Variants in XYLT1 observed in about 807,000 individuals in gnomAD.
XYLT1 encodes the protein xylosyltransferase 1.
A neutral mutation model predicts 91.3 loss-of-function variants in XYLT1; 36 were observed. The ratio of observed to expected loss-of-function variants is 0.39; its 90% confidence interval spans 0.30 to 0.52. The LOEUF is 0.52. Ranked by LOEUF, XYLT1 falls within the 20% of genes least tolerant of loss-of-function variation. XYLT1 has a pLI of 0.68. For missense variants in XYLT1, 1,242 were observed against 1,284.5 expected (o/e 0.97, Z 0.51); for synonymous variants, 588 against 532.0 (o/e 1.11, Z -1.45).
At chr16:17,397,936 C>A (rs1299722369) in intron 1 of XYLT1, among the ~76,000 whole-genome samples, 1 of 151,444 alleles carries the variant, frequency 6.6e-6, no homozygotes, top group South Asian at 2.1e-4. Context: ...GATTCTCCTG[C>A]CTCAGCCTCC....
intron 2 of XYLT1, among the ~76,000 whole-genome samples, chr16:17,269,843 C>G (rs1447423979): frequency 8.0e-6 from 1 of 124,560 alleles, no homozygotes; most frequent in Non-Finnish European, 1.7e-5. Context: ...ATGGAGTCTC[C>G]CTCTGTTGCC....
intron 1 of XYLT1, among the ~76,000 whole-genome samples, chr16:17,375,503 C>CACACACACACAG (rs1186558257): frequency 2.6e-5 from 4 of 151,954 alleles, no homozygotes; most frequent in African/African-American, 9.7e-5. Context: ...CACACACACA[C>CACACACACACAG]AGAAAAGATT....
At chr16:17,357,965 G>A in intron 2 of XYLT1, 47 bp downstream of exon 2, 1 of 1,600,450 alleles carries the variant, frequency 6.2e-7, no homozygotes, top group South Asian at 1.1e-5. Flanking sequence ...CTTGAGAGCT[G>A]GAATACTAAG....
intron 1 of XYLT1, among the ~76,000 whole-genome samples, chr16:17,363,690 C>T (rs1394970022): frequency 6.6e-6 from 1 of 152,172 alleles, no homozygotes; most frequent in Non-Finnish European, 1.5e-5. Context: ...CAAGTGGTTG[C>T]CACCACGCCC....
intron 3 of XYLT1, chr16:17,250,232 C>T (rs1192255161): frequency 2.6e-5 from 4 of 152,216 alleles, no homozygotes; most frequent in Admixed American, 2.6e-4. Context: ...GCTCTAACTC[C>T]AGGTCCTAGA....
At chr16:17,362,236 C>T (rs1596503293) in intron 1 of XYLT1, among the ~76,000 whole-genome samples, 4 of 152,132 alleles carry the variant, frequency 2.6e-5, no homozygotes, top group Admixed American at 2.0e-4. Flanking sequence ...TAACAAATAC[C>T]GTAATCTTTT....
At chr16:17,153,693 A>G (rs1467506138) in intron 6 of XYLT1, among the ~76,000 whole-genome samples, 2 of 152,216 alleles carry the variant, frequency 1.3e-5, no homozygotes, top group Non-Finnish European at 2.9e-5. Context: ...GTTGATACAC[A>G]TAAGATCAAT....
chr16:17,247,747 C>T (rs531664140), intron 3 of XYLT1, among the ~76,000 whole-genome samples: 1 of 152,276 alleles, frequency 6.6e-6, no homozygotes, highest in African/African-American at 2.4e-5. Context: ...GATAGTGAAA[C>T]AGCCCAGGAC....
intron 2 of XYLT1, among the ~76,000 whole-genome samples, chr16:17,306,147 C>T (rs2034467212): frequency 6.6e-6 from 1 of 152,170 alleles, no homozygotes; most frequent in African/African-American, 2.4e-5. Flanking sequence ...TTCAGGGTAA[C>T]TTACCAAGTG....
chr16:17,455,062 A>C (rs2036722664), intron 1 of XYLT1, among the ~76,000 whole-genome samples: 1 of 152,090 alleles, frequency 6.6e-6, no homozygotes, highest in African/African-American at 2.4e-5. Flanking sequence ...TAACCAAAAC[A>C]AACCAGGCAC....
chr16:17,122,749 G>C (rs989488559), intron 10 of XYLT1, among the ~76,000 whole-genome samples: 1 of 152,200 alleles, frequency 6.6e-6, no homozygotes, highest in African/African-American at 2.4e-5. Flanking sequence ...TCCATCCTCA[G>C]TTGATTATTG....
At chr16:17,357,943 G>T in intron 2 of XYLT1, 69 bp downstream of exon 2, 2 of 1,562,242 alleles carry the variant, frequency 1.3e-6, no homozygotes, top group Non-Finnish European at 1.7e-6. Flanking sequence ...TCAGAGCCAC[G>T]GGACAAGTCC....
At chr16:17,419,811 T>C (rs2036228488) in intron 1 of XYLT1, among the ~76,000 whole-genome samples, 1 of 152,218 alleles carries the variant, frequency 6.6e-6, no homozygotes, top group Non-Finnish European at 1.5e-5. Flanking sequence ...AGAGGGAGCC[T>C]GCTTCCTTTG....
chr16:17,234,666 T>G (rs1327769222), intron 3 of XYLT1, among the ~76,000 whole-genome samples: 2 of 150,034 alleles, frequency 1.3e-5, no homozygotes, highest in Admixed American at 6.7e-5. Flanking sequence ...CCTCCCCATG[T>G]GGGAATCCAG....
intron 1 of XYLT1, among the ~76,000 whole-genome samples, chr16:17,361,041 G>A (rs1301246938): frequency 2.0e-5 from 3 of 152,174 alleles, no homozygotes; most frequent in Non-Finnish European, 4.4e-5. Flanking sequence ...ACAGCTCCTA[G>A]ATCCATGCCC....
intron 2 of XYLT1, chr16:17,338,020 G>A (rs1259592397): frequency 8.4e-6 from 3 of 357,456 alleles, no homozygotes; most frequent in Admixed American, 3.6e-5. Flanking sequence ...CACCCACCTC[G>A]GCCTCCCAAA....
chr16:17,248,268 G>A (rs975697268), intron 3 of XYLT1, among the ~76,000 whole-genome samples: 1 of 152,276 alleles, frequency 6.6e-6, no homozygotes, highest in South Asian at 2.1e-4. Flanking sequence ...TGATTTTGAG[G>A]CCTCCTCGGC....
chr16:17,238,352 T>C (rs1459155753), intron 3 of XYLT1, among the ~76,000 whole-genome samples: 1 of 152,200 alleles, frequency 6.6e-6, no homozygotes, highest in Non-Finnish European at 1.5e-5. Context: ...ATTACGGTTT[T>C]TGCTATTGAA....
intron 6 of XYLT1, among the ~76,000 whole-genome samples, chr16:17,148,552 T>C (rs1363444788): frequency 6.6e-6 from 1 of 152,236 alleles, no homozygotes; most frequent in African/African-American, 2.4e-5. Flanking sequence ...CAGCCACACC[T>C]GTTGGGCAAT....
Sources: allele counts gnomAD v4.1 joint callset (sites outside exome capture counted in the v4.1 genomes callset), GRCh38; gene constraint gnomAD v4.1.1; transcripts MANE v1.5; gene names NCBI Gene and HGNC (gene_info 2026-07-23, HGNC 2026-07-21).